The following STK32C variants were observed in gnomAD, a reference collection of about 807,000 sequenced individuals.
The protein encoded by STK32C is serine/threonine-protein kinase 32C.
STK32C carries 31 observed loss-of-function variants against 56.5 expected under a neutral mutation model. The ratio of observed to expected loss-of-function variants is 0.55; its 90% CI spans 0.41 to 0.74. The LOEUF (loss-of-function observed/expected upper bound fraction) is 0.74. Ranked by LOEUF, STK32C falls within the 30% of genes least tolerant of loss-of-function variation. The probability of loss-of-function intolerance (pLI) is 0.00; values close to 1 mark genes in which losing one functional copy is unlikely to be tolerated. For missense variants in STK32C, 544 were observed against 676.9 expected (o/e 0.80, Z 2.18); for synonymous variants, 309 against 289.4 (o/e 1.07, Z -0.69).
intron 1 of STK32C, among the ~76,000 whole-genome samples, chr10:132,301,397 G>T (rs2065907135): frequency 1.3e-5 from 2 of 152,364 alleles, no homozygotes; most frequent in South Asian, 4.1e-4. Context: ...AGGAAGTCTG[G>T]GAAGCTGCTC....
At chr10:132,272,215 C>A (rs1376179369) in intron 1 of STK32C, among the ~76,000 whole-genome samples, 1 of 152,206 alleles carries the variant, frequency 6.6e-6, no homozygotes, top group Non-Finnish European at 1.5e-5. Context: ...CCCACTGGAC[C>A]GTGTCCTCAC....
At position 132,325,270 on chromosome 10, in the gene STK32C, C is replaced by T. The variant is rs547946071; in HGVS notation, c.302-897G>A. 4.6e-5 allele frequency among the ~76,000 whole-genome samples: 7 copies of T among 152,040 alleles called. No individual in the cohort carries two copies. The South Asian group carries it at 6.2e-4, about 14-fold the overall frequency. The stretch of plus-strand genomic sequence containing the variant: ...GATGGTTTTAGAAAGAGGAGTTCCC[C>T]GGCCGGGCGCGGTGGCTCACACCTG... On this transcript the variant is annotated intron_variant, in intron 1 of 1. Transcript: ENST00000368619.
rs749627139 is a variant in STK32C, at chr10:132,331,794, C to G, written c.-58G>C. ...GGTCGCCCCTCCAGACCCTCGCGGT[C>G]TCTACTTGCCCGTCGACCACCACCC... On this transcript the variant is annotated 5_prime_UTR_variant, in exon 1 of 2. Transcript: ENST00000368619. 2.5e-5 allele frequency: 40 copies of G among 1,599,958 alleles called. No individual in the cohort carries two copies. The East Asian group carries it at 8.3e-4, about 33-fold the overall frequency.
At chr10:132,301,934 A>G (rs1380631482) in intron 1 of STK32C, among the ~76,000 whole-genome samples, 3 of 152,156 alleles carry the variant, frequency 2.0e-5, no homozygotes, top group South Asian at 2.1e-4. Flanking sequence ...CACCGGCTAT[A>G]TACTCACTAA....
intron 1 of STK32C, among the ~76,000 whole-genome samples, chr10:132,256,861 C>T (rs1248816708): frequency 6.6e-6 from 1 of 152,216 alleles, no homozygotes; most frequent in Non-Finnish European, 1.5e-5. Context: ...ATGGAGACAG[C>T]CCTGACTCGG....
At chr10:132,210,489 C>A (rs1286280717) in intron 10 of STK32C, among the ~76,000 whole-genome samples, 1 of 152,250 alleles carries the variant, frequency 6.6e-6, no homozygotes, top group African/African-American at 2.4e-5. Flanking sequence ...CTCAGGTGCT[C>A]CGCCTGCTTC....
intron 1 of STK32C, among the ~76,000 whole-genome samples, chr10:132,267,090 C>T (rs2064564854): frequency 6.6e-6 from 1 of 152,254 alleles, no homozygotes; most frequent in Admixed American, 6.5e-5. Context: ...CCCTTCCAGC[C>T]TGTCCTCAGG....
chr10:132,246,009 A>T, intron 1 of STK32C, 54 bp from the exon 2 acceptor site: 6 of 1,555,092 alleles, frequency 3.9e-6, no homozygotes, highest in Non-Finnish European at 5.3e-6. Context: ...GCCCCACCCC[A>T]GAGCAGCTCC....
upstream of STK32C, among the ~76,000 whole-genome samples, chr10:132,311,596 C>G (rs1278034708): frequency 6.6e-6 from 1 of 152,230 alleles, no homozygotes; most frequent in Non-Finnish European, 1.5e-5. The surrounding 1 kb of genome is among the most constrained non-coding windows in gnomAD (Gnocchi z 4.4). Context: ...GCAGGACGGG[C>G]TGCAGCCACT....
chr10:132,269,493 A>C (rs2064746340), intron 1 of STK32C, among the ~76,000 whole-genome samples: 1 of 152,134 alleles, frequency 6.6e-6, no homozygotes, highest in African/African-American at 2.4e-5. Flanking sequence ...GTGTGGCAGC[A>C]AGCTGCAGCC....
At chr10:132,246,072 G>T in intron 1 of STK32C, 117 bp from the exon 2 acceptor site, 1 of 1,058,308 alleles carries the variant, frequency 9.4e-7, no homozygotes, top group Non-Finnish European at 1.4e-6. Context: ...CATCCTAGAA[G>T]AGGGTCGCCG....
intron 1 of STK32C, among the ~76,000 whole-genome samples, chr10:132,284,772 G>A (rs61864483): frequency 0.016 from 785 of 48,474 alleles, no homozygotes; most frequent in African/African-American, 0.055. Flanking sequence ...ACATTCCCAC[G>A]TCTGCCCAAA....
chr10:132,233,540 C>T (rs2063171789), intron 2 of STK32C, among the ~76,000 whole-genome samples: 1 of 152,250 alleles, frequency 6.6e-6, no homozygotes, highest in South Asian at 2.1e-4. Context: ...GGCCACAAAC[C>T]TCTCAAGAAG....
At chr10:132,299,022 C>T (rs1302191181) in intron 1 of STK32C, among the ~76,000 whole-genome samples, 2 of 152,188 alleles carry the variant, frequency 1.3e-5, no homozygotes, top group Admixed American at 1.3e-4. Flanking sequence ...AGAACTGAGA[C>T]CCCAGAACAA....
At chr10:132,225,844 T>C in intron 4 of STK32C, 60 bp from the exon 5 acceptor site, 1 of 1,607,728 alleles carries the variant, frequency 6.2e-7, no homozygotes, top group South Asian at 1.1e-5. Flanking sequence ...TGCCCTGGAA[T>C]CTCTGTCACA....
chr10:132,268,539 T>TTGTGTGTGTG lies in STK32C; in HGVS notation c.263-22594_263-22585dup, dbSNP rs56672946. Among the ~76,000 whole-genome samples, 60 of 111,498 alleles carry TTGTGTGTGTG rather than the reference T, an allele frequency of 5.4e-4. 1 individual carries two copies. Among genetic ancestry groups the TTGTGTGTGTG allele is most frequent in the African/African-American group, 1.9e-3 (54 of 28,530 alleles). 73.1% of individuals were successfully genotyped at this position (111,498 alleles called of 152,430 possible). ...GCTGTGCCTGTGTGCATGCGTCACA[T>TTGTGTGTGTG]TGTGTGTGTGTGTGTGTGTGTGCCT... On this transcript the variant is annotated intron_variant, in intron 1 of 11. Transcript: ENST00000298630.
chr10:132,318,370 C>G (rs1427609636), intron 1 of STK32C, among the ~76,000 whole-genome samples: 7 of 152,138 alleles, frequency 4.6e-5, no homozygotes, highest in East Asian at 3.9e-4. Flanking sequence ...AATCCCAGCA[C>G]CTTGGGAGGC....
chr10:132,332,083 G>T, upstream of STK32C: 1 of 254,532 alleles, frequency 3.9e-6, no homozygotes, highest in Non-Finnish European at 7.5e-6. Flanking sequence ...GCGCGCAGGC[G>T]CACCACACCC....
At chr10:132,222,065 C>G (rs1279039439) in intron 10 of STK32C, among the ~76,000 whole-genome samples, 1 of 125,906 alleles carries the variant, frequency 7.9e-6, no homozygotes, top group African/African-American at 3.0e-5. Flanking sequence ...CACACAACAT[C>G]AACGCACCTG....
Sources: gnomAD v4.1 joint callset for allele counts (sites outside exome capture counted in the v4.1 genomes callset) on GRCh38, gnomAD v4.1.1 for gene constraint, Gnocchi (gnomAD v3.1) non-coding constraint, MANE v1.5 for transcripts, NCBI Gene and HGNC (gene_info 2026-07-23, HGNC 2026-07-21) for gene names.